GCSAML: variants seen among roughly 807,000 people sequenced by gnomAD.
GCSAML encodes the protein germinal center associated signaling and motility like.
Under a neutral mutation model 13.0 loss-of-function variants are expected in GCSAML, and 9 were observed. That is an observed-to-expected ratio of 0.69 (90% confidence interval 0.42 to 1.21). The LOEUF is 1.21. GCSAML is among the 50% of genes most tolerant of loss of function. The pLI, the probability that GCSAML is intolerant of heterozygous loss-of-function variation, is 0.00. For missense variants in GCSAML, 143 were observed against 153.4 expected, an observed-to-expected ratio of 0.93 and a Z score of 0.36; for synonymous variants, 37 against 52.9, an observed-to-expected ratio of 0.70 and a Z score of 1.31.
intron 4 of GCSAML, among the ~76,000 whole-genome samples, chr1:247,567,539 G>C (rs1359628207): frequency 6.6e-6 from 1 of 152,304 alleles, no homozygotes; most frequent in East Asian, 1.9e-4. Flanking sequence ...AGTATTCCAT[G>C]ATGTATTTGT....
rs1029010492 is a variant in GCSAML at position 247,530,239 on chromosome 1, A to G, written c.-148+3185A>G. The G allele has an allele frequency of 3.9e-5, 6 of 152,324 alleles. No individual in the cohort carries two copies. In the South Asian group the frequency reaches 1.2e-3, roughly 32 times the overall value. The allele number at this position is 152,324 out of a possible 1,614,324, so 9.4% of individuals were successfully genotyped here. The stretch of plus-strand genomic sequence containing the variant: ...GGTTTTGGTCTTCCCATGCCTTTGA[A>G]TCATCAGGCAGAGAATGAGGTTACT... On this transcript the variant is annotated intron_variant, in intron 2 of 5. Coordinates refer to the GCSAML transcript ENST00000366489.
At position 247,532,635 on chromosome 1, in the gene GCSAML, A is replaced by C. The variant is rs118147664; in HGVS notation, c.-148+5581A>C. ...AGTGTATTTTAGTTCATTTTATGTTATTCTTTTTTAGAGACACAATTTCAC... is the reference window on the plus strand; with the variant it reads ...AGTGTATTTTAGTTCATTTTATGTTCTTCTTTTTTAGAGACACAATTTCAC... On this transcript the variant is annotated intron_variant, in intron 2 of 5. Transcript: ENST00000366489. The C allele has an allele frequency of 9.4e-4, 911 of 970,988 alleles. 14 individuals carry two copies. In the East Asian group the frequency reaches 0.023, roughly 24 times the overall value. The allele number at this position is 970,988 out of a possible 1,614,324, so 60.1% of individuals were successfully genotyped here. A position where few individuals can be genotyped will look rare whatever the true frequency, so the allele number is the denominator to read the frequency against.
At chr1:247,525,131 T>C (rs927747245) in intron 1 of GCSAML, 1 of 152,194 alleles carries the variant, frequency 6.6e-6, no homozygotes, top group Admixed American at 6.5e-5. Context: ...TGTCAACATG[T>C]TCTATAAGGA....
At chr1:247,507,921 G>A (rs1186423243) in intron 1 of GCSAML, among the ~76,000 whole-genome samples, 1 of 152,136 alleles carries the variant, frequency 6.6e-6, no homozygotes, top group Non-Finnish European at 1.5e-5. Flanking sequence ...TCACTGATGG[G>A]CATTTGGGTT....
At chr1:247,541,566 A>G (rs1376113314) in intron 2 of GCSAML, among the ~76,000 whole-genome samples, 1 of 152,218 alleles carries the variant, frequency 6.6e-6, no homozygotes, top group Non-Finnish European at 1.5e-5. Context: ...GTGTTTTCAA[A>G]TCAAACTACA....
In GCSAML at chr1:247,526,676, A is replaced by C. The variant is rs570097914; in HGVS notation, c.-262-264A>C. 6.0e-6 allele frequency: 2 copies of C among 333,822 alleles called. No individual in the cohort carries two copies. The highest frequency in any genetic ancestry group is 1.6e-4 in the East Asian group (2 of 12,280). The allele number at this position is 333,822 out of a possible 1,614,324, so 20.7% of individuals were successfully genotyped here. On this transcript the variant is annotated intron_variant, in intron 1 of 5. Coordinates refer to the GCSAML transcript ENST00000366489. The surrounding 1 kb of genome is among the most constrained non-coding windows in gnomAD (Gnocchi z 4.8). ...GGGAGGAAACCCATACATGAAGTAG[A>C]GGGTTCACAGAGCAGGTTTGGGATG...
chr1:247,564,741 A>G (rs912426465), intron 3 of GCSAML, among the ~76,000 whole-genome samples: 2 of 152,194 alleles, frequency 1.3e-5, no homozygotes, highest in African/African-American at 4.8e-5. Context: ...GAAGAATACT[A>G]CGTTGCTAAC....
chr1:247,508,577 G>A (rs1239730020), intron 1 of GCSAML, among the ~76,000 whole-genome samples: 6 of 152,102 alleles, frequency 3.9e-5, no homozygotes, highest in Admixed American at 3.9e-4. Flanking sequence ...TAGTCATGAA[G>A]TCTTTGCCCA....
intron 2 of GCSAML, among the ~76,000 whole-genome samples, chr1:247,539,204 A>C (rs1374680024): frequency 6.6e-6 from 1 of 152,142 alleles, no homozygotes; most frequent in Non-Finnish European, 1.5e-5. Flanking sequence ...AGGTGTAGGA[A>C]AATGTGATTG....
At chr1:247,520,643 T>C (rs537909400) in intron 1 of GCSAML, among the ~76,000 whole-genome samples, 111 of 152,344 alleles carry the variant, frequency 7.3e-4, no homozygotes, top group Non-Finnish European at 1.1e-3. Context: ...TTGATCAAAT[T>C]TGGATACGTT....
chr1:247,566,818 G>A (rs1668392828), intron 4 of GCSAML, among the ~76,000 whole-genome samples: 1 of 151,670 alleles, frequency 6.6e-6, no homozygotes. Flanking sequence ...CACTGTCTAT[G>A]CAATTGAAAA....
chr1:247,572,256 G>A (rs914220414), intron 4 of GCSAML, among the ~76,000 whole-genome samples: 2 of 152,162 alleles, frequency 1.3e-5, no homozygotes, highest in Admixed American at 6.5e-5. Flanking sequence ...GCGAGGAGTT[G>A]TGATCTTTTG....
At chr1:247,537,213 A>G (rs1386076939) in intron 2 of GCSAML, among the ~76,000 whole-genome samples, 1 of 152,154 alleles carries the variant, frequency 6.6e-6, no homozygotes, top group Non-Finnish European at 1.5e-5. Flanking sequence ...ATATAAATGG[A>G]CTTATATCAT....
chr1:247,562,332 C>G (rs186574002), intron 2 of GCSAML, among the ~76,000 whole-genome samples: 1 of 152,064 alleles, frequency 6.6e-6, no homozygotes, highest in African/African-American at 2.4e-5. Context: ...CCTCAGCGCG[C>G]CCGTGCCTGA....
chr1:247,531,705 A>C, intron 2 of GCSAML: 1 of 1,614,190 alleles, frequency 6.2e-7, no homozygotes, highest in Non-Finnish European at 8.5e-7. Flanking sequence ...TGCCCTGCTC[A>C]TGGGAGGTGC....
At chr1:247,545,203 G>C (rs1482589844), upstream of GCSAML, among the ~76,000 whole-genome samples, 1 of 152,192 alleles carries the variant, frequency 6.6e-6, no homozygotes, top group Admixed American at 6.5e-5. Context: ...AATGAGCAGG[G>C]ACTCGCTGTC....
chr1:247,555,097 ATT>A (rs1025381966), intron 1 of GCSAML, among the ~76,000 whole-genome samples: 65 of 152,238 alleles, frequency 4.3e-4, no homozygotes, highest in African/African-American at 1.5e-3. Flanking sequence ...ATCCAGTTAT[ATT>A]CAGTAATATT....
intron 1 of GCSAML, among the ~76,000 whole-genome samples, chr1:247,513,825 C>T (rs1666124812): frequency 6.6e-6 from 1 of 152,170 alleles, no homozygotes; most frequent in Non-Finnish European, 1.5e-5. Flanking sequence ...TTTCTGCTCA[C>T]CCTCTGTGGG....
chr1:247,548,115 G>A (rs1337630897), upstream of GCSAML, among the ~76,000 whole-genome samples: 8 of 152,320 alleles, frequency 5.3e-5, no homozygotes, highest in African/African-American at 1.9e-4. This position sits in a 1 kb window ranked among gnomAD's most constrained non-coding sequence, Gnocchi z 5.3. Context: ...GAATAGGTGA[G>A]CATATAGTTT....
Sources: gnomAD v4.1 joint callset for allele counts (sites outside exome capture counted in the v4.1 genomes callset) on GRCh38, gnomAD v4.1.1 for gene constraint, Gnocchi (gnomAD v3.1) non-coding constraint, MANE v1.5 for transcripts, NCBI Gene and HGNC (gene_info 2026-07-23, HGNC 2026-07-21) for gene names.